The following PRKN variants were observed in gnomAD, a reference collection of about 807,000 sequenced individuals.
The protein encoded by PRKN is parkin RBR E3 ubiquitin protein ligase.
Under a neutral mutation model 59.5 loss-of-function variants are expected in PRKN, and 56 were observed. The ratio of observed to expected loss-of-function variants is 0.94; its 90% CI spans 0.76 to 1.18. PRKN has a LOEUF of 1.18. Ranked by LOEUF, PRKN falls within the 50% of genes most tolerant of loss-of-function variation. PRKN has a pLI of 0.00. For missense variants in PRKN, 657 were observed against 596.4 expected, an observed-to-expected ratio of 1.10 and a Z score of -1.06; for synonymous variants, 250 against 222.1, an observed-to-expected ratio of 1.13 and a Z score of -1.12.
At chr6:162,581,892 T>G (rs1472758688) in intron 1 of PRKN, among the ~76,000 whole-genome samples, 2 of 152,206 alleles carry the variant, frequency 1.3e-5, no homozygotes, top group Non-Finnish European at 2.9e-5. Flanking sequence ...ATGAGAAGGC[T>G]GGTCAAAACC....
intron 1 of PRKN, among the ~76,000 whole-genome samples, chr6:162,689,981 G>A (rs1777712801): frequency 6.6e-6 from 1 of 152,036 alleles, no homozygotes; most frequent in Admixed American, 6.6e-5. Flanking sequence ...CTGAATATAT[G>A]AGGACTCAGA....
At chr6:162,335,810 T>C (rs975722127) in intron 2 of PRKN, among the ~76,000 whole-genome samples, 1 of 151,902 alleles carries the variant, frequency 6.6e-6, no homozygotes, top group African/African-American at 2.4e-5. Context: ...GCTACACAAC[T>C]GGTAAGTCCA....
chr6:162,503,136 CTT>C (rs10629175), intron 1 of PRKN, among the ~76,000 whole-genome samples: 176 of 81,120 alleles, frequency 2.2e-3, no homozygotes, highest in African/African-American at 8.1e-3. Context: ...GTCTTCATTT[CTT>C]TTTTTTTTTT....
At chr6:162,047,968 T>C (rs1038914624) in intron 5 of PRKN, among the ~76,000 whole-genome samples, 1 of 152,202 alleles carries the variant, frequency 6.6e-6, no homozygotes, top group African/African-American at 2.4e-5. Context: ...ATACTGAGTT[T>C]AATAGTTACA....
intron 1 of PRKN, among the ~76,000 whole-genome samples, chr6:162,563,649 T>C (rs1300566279): frequency 6.6e-6 from 1 of 152,148 alleles, no homozygotes; most frequent in African/African-American, 2.4e-5. Context: ...CAGGAAAACA[T>C]GATCTCATCA....
chr6:162,233,776 G>T (rs1202091178), intron 3 of PRKN, among the ~76,000 whole-genome samples: 1 of 152,150 alleles, frequency 6.6e-6, no homozygotes, highest in Non-Finnish European at 1.5e-5. Context: ...TGAGGTCATC[G>T]CAGAGGGGAC....
At chr6:161,776,371 G>A (rs114289601) in intron 7 of PRKN, among the ~76,000 whole-genome samples, 5,950 of 152,272 alleles carry the variant, frequency 0.039, 387 homozygotes, top group African/African-American at 0.13. Context: ...GTAAGAGTTT[G>A]TCAGAGGTTC....
At chr6:162,083,391 G>A (rs1779135170) in intron 4 of PRKN, among the ~76,000 whole-genome samples, 1 of 151,938 alleles carries the variant, frequency 6.6e-6, no homozygotes, top group African/African-American at 2.4e-5. Context: ...GCTCAATACC[G>A]GGTTTCCACA....
chr6:161,838,317 C>T (rs1301849256), intron 6 of PRKN, among the ~76,000 whole-genome samples: 3 of 152,194 alleles, frequency 2.0e-5, no homozygotes, highest in Non-Finnish European at 4.4e-5. Context: ...CTCAGTGTTA[C>T]CCATAAATAA....
At chr6:162,694,806 T>A (rs1186944298) in intron 1 of PRKN, 3 of 152,224 alleles carry the variant, frequency 2.0e-5, no homozygotes, top group African/African-American at 7.2e-5. Context: ...CCAAAGCAGG[T>A]TTCATGCTGA....
chr6:162,647,947 T>A lies in PRKN; in HGVS notation c.7+79715A>T, dbSNP rs572113431. 5.1e-3 allele frequency among the ~76,000 whole-genome samples: 80 copies of A among 15,556 alleles called. 3 individuals are homozygous for A. In the East Asian group the frequency reaches 0.08, roughly 15 times the overall value. 10.2% of individuals were successfully genotyped at this position (15,556 alleles called of 152,430 possible). ...TAGAACCATCTCTATATGTCCACAG[T>A]GCAAAAAAAAAAAAAAAAAAAAAAA... On this transcript the variant is annotated intron_variant, in intron 1 of 11. Transcript: ENST00000366898.
intron 4 of PRKN, among the ~76,000 whole-genome samples, chr6:162,167,746 G>GA (rs144903515): frequency 1.3e-5 from 2 of 151,716 alleles, no homozygotes; most frequent in Admixed American, 1.3e-4. Flanking sequence ...CAAATTTGGG[G>GA]AAAAAAAGTC....
intron 1 of PRKN, among the ~76,000 whole-genome samples, chr6:162,722,495 A>G (rs1483014656): frequency 2.0e-5 from 3 of 152,248 alleles, no homozygotes; most frequent in African/African-American, 4.8e-5. Context: ...ACGAAGAAAC[A>G]TTTAAAATGA....
chr6:161,958,606 C>T (rs1044961483), intron 6 of PRKN, among the ~76,000 whole-genome samples: 4 of 151,478 alleles, frequency 2.6e-5, no homozygotes, highest in African/African-American at 9.7e-5. Flanking sequence ...GGGCCAGGTG[C>T]AGTGGCTCAC....
chr6:162,553,599 C>T (rs968493077), intron 1 of PRKN, among the ~76,000 whole-genome samples: 5 of 149,288 alleles, frequency 3.3e-5, no homozygotes, highest in African/African-American at 1.2e-4. Flanking sequence ...ACACAGACCA[C>T]CACAGTCATT....
At chr6:162,658,674 G>GAAAAAAAAAAAAAAAAAAA (rs749187156) in intron 1 of PRKN, among the ~76,000 whole-genome samples, 2 of 97,104 alleles carry the variant, frequency 2.1e-5, no homozygotes, top group Non-Finnish European at 4.1e-5. Flanking sequence ...AAAAAAAAAA[G>GAAAAAAAAAAAAAAAAAAA]AAAAAAAAAA....
chr6:162,249,491 T>C (rs2128095182), intron 3 of PRKN, among the ~76,000 whole-genome samples: 1 of 152,318 alleles, frequency 6.6e-6, no homozygotes, highest in East Asian at 1.9e-4. Flanking sequence ...GTTTACTACC[T>C]GGCTATTAGA....
At chr6:162,221,969 T>C (rs1044261300) in intron 3 of PRKN, among the ~76,000 whole-genome samples, 1 of 152,154 alleles carries the variant, frequency 6.6e-6, no homozygotes, top group African/African-American at 2.4e-5. Flanking sequence ...TAATACACTT[T>C]CTAAGATGAC....
intron 1 of PRKN, among the ~76,000 whole-genome samples, chr6:162,623,084 C>A (rs1243239583): frequency 6.6e-6 from 1 of 152,218 alleles, no homozygotes; most frequent in Non-Finnish European, 1.5e-5. Context: ...CTGACTTAAA[C>A]TGGAAACCCA....
Sources: allele counts gnomAD v4.1 joint callset (sites outside exome capture counted in the v4.1 genomes callset), GRCh38; gene constraint gnomAD v4.1.1; transcripts MANE v1.5; gene names NCBI Gene and HGNC (gene_info 2026-07-23, HGNC 2026-07-21).